The following NCOA5 variants were observed in gnomAD, a reference collection of about 807,000 sequenced individuals.
The protein encoded by NCOA5 is NCoA-5.
NCOA5 carries 12 observed loss-of-function variants against 59.0 expected under a neutral mutation model. The ratio of observed to expected loss-of-function variants is 0.20; its 90% CI spans 0.13 to 0.33. NCOA5 has a LOEUF of 0.33. NCOA5 is among the 10% of genes least tolerant of loss of function. NCOA5 has a pLI of 1.00. For synonymous variants in NCOA5, 270 were observed against 275.5 expected, an observed-to-expected ratio of 0.98 and a Z score of 0.20; for missense variants, 655 against 766.6, an observed-to-expected ratio of 0.85 and a Z score of 1.72.
At chr20:46,074,330 A>C (rs148084604) in intron 2 of NCOA5, among the ~76,000 whole-genome samples, 2 of 152,348 alleles carry the variant, frequency 1.3e-5, no homozygotes, top group African/African-American at 4.8e-5. Flanking sequence ...TCAGATGATA[A>C]GTGGGTTAGA....
In NCOA5 at chr20:46,065,152, C is replaced by T; in HGVS notation, c.706G>A (p.Val236Met). Residue 236 changes from valine (V) to methionine (M), a missense_variant, in exon 6 of 8, where the codon GTG (valine) becomes ATG (methionine). Coordinates refer to ENST00000290231, the MANE Select transcript of NCOA5 (RefSeq NM_020967.3). ...TCCTCCAAGGCTTGTGACAGTGACA[C>T]TTCTGTGTTAAGGAAGATCAAGTCC... ...VVDLIFLNTE[V>M]SLSQALEDVS... 2.5e-6 allele frequency: 4 copies of T among 1,614,206 alleles called. 1 individual carries two copies. In the South Asian group the frequency reaches 4.4e-5, roughly 18 times the overall value.
intron 3 of NCOA5, 117 bp downstream of exon 3, chr20:46,070,093 A>G (rs2084865515): frequency 1.3e-6 from 1 of 767,240 alleles, no homozygotes; most frequent in East Asian, 2.6e-5. Context: ...ATCACTTGAC[A>G]GTCACCAGAA....
At chr20:46,087,212 T>C (rs1237511945) in intron 1 of NCOA5, among the ~76,000 whole-genome samples, 2 of 152,234 alleles carry the variant, frequency 1.3e-5, no homozygotes, top group African/African-American at 2.4e-5. Flanking sequence ...AGACGTTTCA[T>C]TCTTCACGTG....
intron 2 of NCOA5, among the ~76,000 whole-genome samples, chr20:46,078,132 T>G (rs1171658953): frequency 6.6e-6 from 1 of 152,238 alleles, no homozygotes; most frequent in Non-Finnish European, 1.5e-5. Flanking sequence ...TCAACTCTGC[T>G]GCACAGGCAG....
intron 1 of NCOA5, among the ~76,000 whole-genome samples, chr20:46,080,660 T>G (rs932903154): frequency 2.6e-5 from 4 of 152,140 alleles, no homozygotes; most frequent in African/African-American, 9.7e-5. Context: ...AATCTTCAAT[T>G]CCATTTTAAA....
In NCOA5 at chr20:46,067,068, T is replaced by G; in HGVS notation, c.616A>C (p.Asn206His). 1 of 1,613,590 alleles carries G rather than the reference T, an allele frequency of 6.2e-7. No individual in the cohort carries two copies. Among genetic ancestry groups the G allele is most frequent in the Non-Finnish European group, 8.5e-7 (1 of 1,179,838 alleles). ...AAGGGTTCTTACTTTGTCTGTTTGT[T>G]GACCACAATCACAGAACAATCAACG... is the stretch of plus-strand genomic sequence containing the variant. ...RPVDCSVIVV[N>H]KQTKDYAESV... Residue 206 changes from asparagine (N) to histidine (H), a missense_variant, in exon 5 of 8, where the codon AAC becomes CAC. By Grantham distance (68) the Asn-to-His change is moderately conservative. Around this residue, in one of 3 missense-constraint regions of NCOA5, gnomAD observed 80 missense variants for 153.3 expected, o/e 0.52. Coordinates refer to ENST00000290231, the MANE Select transcript of NCOA5 (RefSeq NM_020967.3).
At chr20:46,088,602 A>T (rs1221655755) in intron 1 of NCOA5, among the ~76,000 whole-genome samples, 1 of 152,266 alleles carries the variant, frequency 6.6e-6, no homozygotes, top group African/African-American at 2.4e-5. Context: ...ACGACATCAC[A>T]ACGCTGTAAG....
chr20:46,064,974 G>C lies in NCOA5; in HGVS notation c.829+55C>G, dbSNP rs1405761437. The C allele has an allele frequency of 2.5e-6, 4 of 1,576,112 alleles. No homozygotes were observed. In the African/African-American group the frequency reaches 5.4e-5, roughly 21 times the overall value. On this transcript the variant is annotated intron_variant, in intron 6 of 7. Transcript: ENST00000290231. ...CCCAAAACCTGCTTCTTCTGAGTAA[G>C]GCATAAAGGACTAATAATGGACTAG...
intron 2 of NCOA5, among the ~76,000 whole-genome samples, chr20:46,076,166 G>C (rs1434763716): frequency 6.6e-6 from 1 of 152,192 alleles, no homozygotes; most frequent in Non-Finnish European, 1.5e-5. Flanking sequence ...TATAACTTTA[G>C]GAAATATTTG....
chr20:46,062,067 T>G lies in NCOA5; in HGVS notation c.*233A>C, dbSNP rs1032251760. 4.6e-6 allele frequency: 2 copies of G among 433,590 alleles called. No homozygotes were observed. The highest frequency in any genetic ancestry group is 3.9e-5 in the African/African-American group (2 of 50,964). 26.9% of individuals were successfully genotyped at this position (433,590 alleles called of 1,614,324 possible). ...ACACCTGTACTGCCCCCGGAGATAT[T>G]TATTTTCTACAAAACAAAAAACAAA... On this transcript the variant is annotated 3_prime_UTR_variant, in exon 8 of 8. Transcript: ENST00000290231.
rs1292571147 is a variant in NCOA5 at position 46,067,056 on chromosome 20, TTGTC to T, written c.624_627del (p.Thr209LysfsTer17). 6.2e-7 allele frequency: 1 copy of T among 1,613,134 alleles called. No individual in the cohort carries two copies. The highest frequency in any genetic ancestry group is 2.2e-5 in the East Asian group (1 of 44,882). On this transcript the variant is annotated frameshift_variant and splice_region_variant, in exon 5 of 8. Coordinates refer to ENST00000290231, the MANE Select transcript of NCOA5 (RefSeq NM_020967.3). LOFTEE classifies it high-confidence loss of function. Reference sequence around the variant, plus strand: ...GGAGAAATATCTAAGGGTTCTTACTTTGTCTGTTTGTTGACCACAATCACAGAAC... The same window carrying T: ...GGAGAAATATCTAAGGGTTCTTACTTTGTTTGTTGACCACAATCACAGAAC...
intron 2 of NCOA5, among the ~76,000 whole-genome samples, chr20:46,070,834 T>C (rs1655451550): frequency 6.6e-6 from 1 of 152,118 alleles, no homozygotes; most frequent in Admixed American, 6.5e-5. Flanking sequence ...CCAGACTTGC[T>C]TGAAAGAGAC....
intron 6 of NCOA5, among the ~76,000 whole-genome samples, chr20:46,064,812 T>C (rs2145522566): frequency 6.6e-6 from 1 of 152,340 alleles, no homozygotes; most frequent in Non-Finnish European, 1.5e-5. Context: ...CACCACTGTA[T>C]ATACCTAGTG....
At chr20:46,078,607 G>GAAATATATCA (rs2084962489) in intron 2 of NCOA5, among the ~76,000 whole-genome samples, 1 of 152,186 alleles carries the variant, frequency 6.6e-6, no homozygotes, top group African/African-American at 2.4e-5. Context: ...TATCATATCT[G>GAAATATATCA]TCTGCCCTCT....
At chr20:46,070,885 C>T (rs897760918) in intron 2 of NCOA5, among the ~76,000 whole-genome samples, 1 of 151,746 alleles carries the variant, frequency 6.6e-6, no homozygotes, top group African/African-American at 2.4e-5. Flanking sequence ...AGTAAGGAGG[C>T]AAGACTCATG....
At chr20:46,083,704 A>AG (rs1437904291) in intron 1 of NCOA5, among the ~76,000 whole-genome samples, 3 of 152,224 alleles carry the variant, frequency 2.0e-5, no homozygotes, top group African/African-American at 7.2e-5. Context: ...AAGAATTACT[A>AG]AAGTGGCATT....
chr20:46,089,455 A>C (rs1568891677), intron 1 of NCOA5, among the ~76,000 whole-genome samples: 1 of 151,874 alleles, frequency 6.6e-6, no homozygotes, highest in Non-Finnish European at 1.5e-5. Context: ...CGGGCGAGCG[A>C]CTCCACCGTT....
chr20:46,076,857 G>A (rs1264057781), intron 2 of NCOA5, among the ~76,000 whole-genome samples: 8 of 152,116 alleles, frequency 5.3e-5, no homozygotes, highest in Non-Finnish European at 1.5e-5. Flanking sequence ...TGATTTCTGA[G>A]GAAGGTGATA....
chr20:46,075,782 T>C (rs1031253645), intron 2 of NCOA5, among the ~76,000 whole-genome samples: 47 of 152,222 alleles, frequency 3.1e-4, no homozygotes, highest in African/African-American at 1.1e-3. Context: ...GTATCGATGC[T>C]TGACAACTTG....
Sources: allele counts gnomAD v4.1 joint callset (sites outside exome capture counted in the v4.1 genomes callset), GRCh38; gene constraint gnomAD v4.1.1; regional missense constraint gnomAD v4.1.1; transcripts MANE v1.5; gene names NCBI Gene and HGNC (gene_info 2026-07-23, HGNC 2026-07-21).